Variants in ZNF625 observed in about 807,000 individuals in gnomAD.
ZNF625 encodes zinc finger protein 625.
Under a neutral mutation model 11.1 loss-of-function variants are expected in ZNF625, and 8 were observed. That is an observed-to-expected ratio of 0.72 (90% confidence interval 0.42 to 1.30). The LOEUF (loss-of-function observed/expected upper bound fraction) is 1.30, where lower values mean the gene tolerates loss of function less well. ZNF625 is among the 50% of genes most tolerant of loss of function. ZNF625 has a pLI of 0.01. For missense variants in ZNF625, 349 were observed against 447.6 expected (o/e 0.78, Z 1.99); for synonymous variants, 145 against 153.4 (o/e 0.95, Z 0.41).
intron 1 of ZNF625, among the ~76,000 whole-genome samples, chr19:12,155,844 G>C (rs11670061): frequency 4.5e-3 from 679 of 151,530 alleles, no homozygotes; most frequent in Non-Finnish European, 7.4e-3. Flanking sequence ...TTAGTTTGTT[G>C]CTGTTGTTTT....
chr19:12,147,614 A>T, intron 2 of ZNF625, 62 bp downstream of exon 2: 1 of 1,610,080 alleles, frequency 6.2e-7, no homozygotes, highest in Non-Finnish European at 8.5e-7. Context: ...ACTCAACACT[A>T]CTGACAAGCT....
At chr19:12,147,843 G>A (rs201226267) in intron 1 of ZNF625, 41 bp from the exon 2 acceptor site, 475 of 1,609,292 alleles carry the variant, frequency 3.0e-4, no homozygotes, top group Middle Eastern at 8.3e-4. Context: ...GGGTGAGACT[G>A]ACAGCACTGG....
chr19:12,147,334 A>G (rs1230567000), intron 3 of ZNF625, 61 bp downstream of exon 3: 2 of 1,334,558 alleles, frequency 1.5e-6, no homozygotes, highest in Non-Finnish European at 2.0e-6. Context: ...TCTTTTTAAC[A>G]TTTTCTTCCA....
chr19:12,147,497 T>G, intron 2 of ZNF625, 42 bp from the exon 3 acceptor site: 2 of 1,508,990 alleles, frequency 1.3e-6, no homozygotes, highest in Non-Finnish European at 1.8e-6. Flanking sequence ...ATTAGCAAAA[T>G]TATGAAAAAA....
At chr19:12,148,228 C>T (rs1976904650) in intron 1 of ZNF625, among the ~76,000 whole-genome samples, 1 of 152,188 alleles carries the variant, frequency 6.6e-6, no homozygotes. Flanking sequence ...GATCCACCAG[C>T]CTTGGCCTCC....
chr19:12,146,009 T>G lies in ZNF625; in HGVS notation c.407A>C (p.Lys136Thr). Residue 136 changes from lysine to threonine, a missense_variant, in exon 4 of 4, where the codon AAA (lysine) becomes ACA (threonine). Physicochemically the swap from Lys to Thr is moderately conservative, Grantham distance 78. Coordinates refer to ENST00000439556, the MANE Select transcript of ZNF625 (RefSeq NM_145233.4). ...EYQEYGQKPYKCTYCKKAFSD... is the reference protein window; with the variant it reads ...EYQEYGQKPYTCTYCKKAFSD... ...GAAGGCTTTCTTACAGTATGTACATTTATATGGCTTCTGTCCATATTCCTG... is the reference window on the plus strand; with the variant it reads ...GAAGGCTTTCTTACAGTATGTACATGTATATGGCTTCTGTCCATATTCCTG... 1.2e-6 allele frequency: 2 copies of G among 1,614,198 alleles called. No homozygotes were observed. Among genetic ancestry groups the G allele is most frequent in the South Asian group, 2.2e-5 (2 of 91,084 alleles).
Position 12,145,031 on chromosome 19 carries a change from T to A in ZNF625, c.*266A>T, listed in dbSNP as rs1054062275. On this transcript the variant is annotated 3_prime_UTR_variant, in exon 4 of 4. Transcript: ENST00000439556. The stretch of plus-strand genomic sequence containing the variant: ...ACCCGGCCAAACCTCGTATTTTTTT[T>A]ATGACAGAACTGTCTTAAGGTCTTA... The A allele has an allele frequency of 7.9e-6, 3 of 377,536 alleles. No homozygotes were observed. The highest frequency in any genetic ancestry group is 1.4e-5 in the Non-Finnish European group (3 of 211,492). The allele number at this position is 377,536 out of a possible 1,614,324, so 23.4% of individuals were successfully genotyped here. A position where few individuals can be genotyped will look rare whatever the true frequency, so the allele number is the denominator to read the frequency against.
At chr19:12,156,505 G>T in intron 1 of ZNF625, 51 bp downstream of exon 1, 1 of 1,397,802 alleles carries the variant, frequency 7.2e-7, no homozygotes. Flanking sequence ...GTTCGAGCCG[G>T]TTCCTCCCGG....
intron 1 of ZNF625, among the ~76,000 whole-genome samples, chr19:12,152,638 C>T (rs1419890219): frequency 1.3e-5 from 2 of 151,922 alleles, no homozygotes; most frequent in Non-Finnish European, 2.9e-5. Flanking sequence ...GTCAAGAGCT[C>T]GAGACAAGCC....
intron 1 of ZNF625, among the ~76,000 whole-genome samples, chr19:12,150,297 T>G (rs1976937248): frequency 6.6e-6 from 1 of 152,118 alleles, no homozygotes; most frequent in Non-Finnish European, 1.5e-5. Context: ...GTTGTCCCCA[T>G]GAAAAGGTAG....
chr19:12,151,571 G>A (rs1460330416), intron 1 of ZNF625, among the ~76,000 whole-genome samples: 3 of 151,912 alleles, frequency 2.0e-5, no homozygotes, highest in Non-Finnish European at 2.9e-5. Context: ...AGTAGAGACG[G>A]GGTTTCACCG....
chr19:12,153,565 T>C (rs1976986593), intron 1 of ZNF625, among the ~76,000 whole-genome samples: 1 of 150,954 alleles, frequency 6.6e-6, no homozygotes, highest in Non-Finnish European at 1.5e-5. Context: ...AGGTCTGTAA[T>C]TCCAGCTACT....
intron 3 of ZNF625, 55 bp downstream of exon 3, chr19:12,147,340 T>C (rs752986125): frequency 7.5e-7 from 1 of 1,337,500 alleles, no homozygotes; most frequent in Non-Finnish European, 1.0e-6. Context: ...TAACATTTTC[T>C]TCCATTCTAT....
rs115420402 is a variant in ZNF625, at chr19:12,145,421, T to G, written c.995A>C (p.Glu332Ala). ...AAAGGCTTTACCACATTGTTTACAT[T>G]CATAGGGTTTCTCTCCAGTGTGAGT... ...GRTHTGEKPY[E>A]CKQCGKAFGC... Residue 332 changes from glutamate (E) to alanine (A), a missense_variant, in exon 4 of 4, where the codon GAA (glutamate) becomes GCA (alanine). Physicochemically the swap from Glu to Ala is moderately radical, Grantham distance 107. Coordinates refer to ENST00000439556, the MANE Select transcript of ZNF625 (RefSeq NM_145233.4). 6.2e-6 allele frequency: 10 copies of G among 1,614,174 alleles called. No homozygotes were observed. In the East Asian group the frequency reaches 2.2e-4, roughly 36 times the overall value.
At chr19:12,152,565 G>A (rs1976970712) in intron 1 of ZNF625, among the ~76,000 whole-genome samples, 1 of 151,982 alleles carries the variant, frequency 6.6e-6, no homozygotes, top group Non-Finnish European at 1.5e-5. Context: ...ACACTCGGCC[G>A]GGTGCAGTGG....
chr19:12,150,044 T>C (rs1339705854), intron 1 of ZNF625, among the ~76,000 whole-genome samples: 1 of 152,192 alleles, frequency 6.6e-6, no homozygotes, highest in Non-Finnish European at 1.5e-5. Flanking sequence ...CGGCCCGACC[T>C]AAGTATTTTA....
chr19:12,145,932 G>C lies in ZNF625; in HGVS notation c.484C>G (p.Pro162Ala). The C allele has an allele frequency of 6.2e-7, 1 of 1,614,162 alleles. No individual in the cohort carries two copies. Among genetic ancestry groups the C allele is most frequent in the South Asian group, 1.1e-5 (1 of 91,086 alleles). The change falls in exon 4 of 4, where the codon CCT becomes GCT. Residue 162 changes from proline to alanine, a missense_variant. Physicochemically the swap from Pro to Ala is conservative, Grantham distance 27. Coordinates refer to ENST00000439556, the MANE Select transcript of ZNF625 (RefSeq NM_145233.4). ...TTTCCACATTCCTCACAATCATAAG[G>C]TTTCCCCCCAGTGTGAGCCCATTCA... ...THEWAHTGGK[P>A]YDCEECGKSF...
intron 1 of ZNF625, among the ~76,000 whole-genome samples, chr19:12,152,249 T>G (rs998512470): frequency 2.0e-5 from 3 of 152,040 alleles, no homozygotes; most frequent in Middle Eastern, 3.4e-3. Context: ...TATGTGTATA[T>G]ATATACACAC....
intron 3 of ZNF625, among the ~76,000 whole-genome samples, chr19:12,147,036 G>A (rs566341294): frequency 1.7e-4 from 25 of 150,364 alleles, no homozygotes; most frequent in Middle Eastern, 3.5e-3. Flanking sequence ...GCATGATCTC[G>A]GCTCACTGCA....
Sources: allele counts gnomAD v4.1 joint callset (sites outside exome capture counted in the v4.1 genomes callset), GRCh38; gene constraint gnomAD v4.1.1; transcripts MANE v1.5; gene names NCBI Gene and HGNC (gene_info 2026-07-23, HGNC 2026-07-21).